Variants in ITGA8 observed in about 807,000 individuals in gnomAD.
The protein encoded by ITGA8 is integrin subunit alpha 8.
A neutral mutation model predicts 142.3 loss-of-function variants in ITGA8; 91 were observed. The observed-to-expected ratio is 0.64, with a 90% CI of 0.54 to 0.76. ITGA8 has a LOEUF of 0.76. ITGA8 is among the 30% of genes least tolerant of loss of function. ITGA8 has a pLI of 0.00. For synonymous variants in ITGA8, 505 were observed against 485.2 expected, an observed-to-expected ratio of 1.04 and a Z score of -0.54; for missense variants, 1,406 against 1,327.7, an observed-to-expected ratio of 1.06 and a Z score of -0.92.
In ITGA8 at chr10:15,629,843, T is replaced by C. The variant is rs529044339; in HGVS notation, c.1400-13284A>G. On this transcript the variant is annotated intron_variant, in intron 13 of 29. Coordinates refer to ENST00000378076, the MANE Select transcript of ITGA8 (RefSeq NM_003638.3). ...TTGGGAGGCTGAGGAAGAGAGAATC[T>C]CTTGAACCCGGGAAGCAGAGGTTGC... Among the ~76,000 whole-genome samples the C allele has an allele frequency of 2.6e-5, 4 of 152,014 alleles. No homozygotes were observed. The East Asian group carries it at 5.8e-4, about 22-fold the overall frequency.
At chr10:15,590,424 G>A (rs529753557) in intron 22 of ITGA8, among the ~76,000 whole-genome samples, 5 of 152,308 alleles carry the variant, frequency 3.3e-5, no homozygotes, top group Admixed American at 3.3e-4. Flanking sequence ...TCAACCAAGA[G>A]CGAGGAGGAA....
chr10:15,623,917 C>T (rs545825459), intron 13 of ITGA8, among the ~76,000 whole-genome samples: 7 of 152,228 alleles, frequency 4.6e-5, no homozygotes, highest in East Asian at 1.9e-4. Context: ...TTTTCCAGAA[C>T]GTCATATAAA....
intron 11 of ITGA8, among the ~76,000 whole-genome samples, chr10:15,648,497 T>C (rs1174655411): frequency 6.7e-6 from 1 of 150,056 alleles, no homozygotes; most frequent in African/African-American, 2.4e-5. Flanking sequence ...GAAACAATAC[T>C]ATATTAATAT....
intron 13 of ITGA8, among the ~76,000 whole-genome samples, chr10:15,620,828 A>T (rs985646435): frequency 6.6e-6 from 1 of 152,214 alleles, no homozygotes. Flanking sequence ...TATCTGTTAT[A>T]TATCTGTTCT....
intron 13 of ITGA8, among the ~76,000 whole-genome samples, chr10:15,627,280 G>A (rs1833601803): frequency 6.6e-6 from 1 of 151,978 alleles, no homozygotes; most frequent in African/African-American, 2.4e-5. Flanking sequence ...AAGAGTGTAA[G>A]TTTCTGCAAT....
chr10:15,717,037 G>T (rs1835467277), intron 2 of ITGA8, among the ~76,000 whole-genome samples: 1 of 152,156 alleles, frequency 6.6e-6, no homozygotes, highest in Non-Finnish European at 1.5e-5. Flanking sequence ...GTTGACATCT[G>T]GATTCTCTGG....
chr10:15,674,554 T>G (rs915785700), intron 6 of ITGA8, among the ~76,000 whole-genome samples: 20 of 152,220 alleles, frequency 1.3e-4, no homozygotes, highest in African/African-American at 4.6e-4. Flanking sequence ...TGCAGAGTAG[T>G]TTTTAAATAC....
At chr10:15,643,318 C>T (rs1483161061) in intron 13 of ITGA8, among the ~76,000 whole-genome samples, 3 of 152,152 alleles carry the variant, frequency 2.0e-5, no homozygotes, top group Non-Finnish European at 4.4e-5. Flanking sequence ...CTCACTCTGT[C>T]GCCCAGGTTA....
intron 21 of ITGA8, among the ~76,000 whole-genome samples, chr10:15,595,361 A>C (rs1404172982): frequency 6.6e-6 from 1 of 152,232 alleles, no homozygotes; most frequent in Non-Finnish European, 1.5e-5. Context: ...AGAAGAATAT[A>C]AATCAAAGTG....
chr10:15,617,249 CTT>C (rs1183656032), intron 13 of ITGA8, among the ~76,000 whole-genome samples: 1 of 152,092 alleles, frequency 6.6e-6, no homozygotes, highest in Non-Finnish European at 1.5e-5. Flanking sequence ...TCAATTGAGA[CTT>C]AAGAAGGCTA....
chr10:15,604,174 T>C, intron 20 of ITGA8, 34 bp downstream of exon 20: 1 of 1,589,140 alleles, frequency 6.3e-7, no homozygotes, highest in African/African-American at 1.4e-5. Flanking sequence ...AAAATATACC[T>C]AGCTCTTGAC....
chr10:15,674,115 A>G (rs1324256276), intron 6 of ITGA8, among the ~76,000 whole-genome samples: 1 of 152,198 alleles, frequency 6.6e-6, no homozygotes, highest in East Asian at 1.9e-4. Flanking sequence ...GTCAAACTAG[A>G]TCATAAATAT....
intron 28 of ITGA8, among the ~76,000 whole-genome samples, chr10:15,523,915 G>C (rs969943199): frequency 4.6e-5 from 7 of 152,158 alleles, no homozygotes; most frequent in South Asian, 2.1e-4. Context: ...CTGAGCAACA[G>C]AGCGAGCCTC....
At chr10:15,538,267 C>G (rs1012210638) in intron 27 of ITGA8, among the ~76,000 whole-genome samples, 9 of 152,158 alleles carry the variant, frequency 5.9e-5, no homozygotes, top group Admixed American at 2.0e-4. Flanking sequence ...AATCCTAACA[C>G]TTTGGGAGGC....
chr10:15,679,493 A>C (rs894660519), intron 4 of ITGA8, among the ~76,000 whole-genome samples: 1 of 152,162 alleles, frequency 6.6e-6, no homozygotes, highest in African/African-American at 2.4e-5. Flanking sequence ...GAGGCAGGAG[A>C]ATCTCTTGAA....
At chr10:15,566,146 G>A (rs903231834) in intron 25 of ITGA8, among the ~76,000 whole-genome samples, 4 of 152,076 alleles carry the variant, frequency 2.6e-5, no homozygotes, top group African/African-American at 7.2e-5. Context: ...CCTAAAGAAC[G>A]GACGGTTTCT....
At chr10:15,672,845 G>C in intron 6 of ITGA8, 96 bp from the exon 7 acceptor site, 1 of 1,335,868 alleles carries the variant, frequency 7.5e-7, no homozygotes, top group Non-Finnish European at 9.9e-7. Flanking sequence ...TGGTGGAATT[G>C]CTTGCTTTTT....
chr10:15,644,182 CTT>C lies in ITGA8; in HGVS notation c.1245_1246del (p.Gly417GlnfsTer6). 1.9e-6 allele frequency: 3 copies of C among 1,613,914 alleles called. No homozygotes were observed. The highest frequency in any genetic ancestry group is 2.5e-6 in the Non-Finnish European group (3 of 1,179,968). ...CCCATTATAAATGAGCACTTTGCCTCTTTGATCCTTGCCTGCAAAAGGCACTC... is the reference window on the plus strand; with the variant it reads ...CCCATTATAAATGAGCACTTTGCCTCTGATCCTTGCCTGCAAAAGGCACTC... On this transcript the variant is annotated frameshift_variant, in exon 13 of 30. Transcript: ENST00000378076. LOFTEE classifies it high-confidence loss of function.
intron 22 of ITGA8, among the ~76,000 whole-genome samples, chr10:15,589,983 G>A (rs45591534): frequency 3.9e-5 from 6 of 152,042 alleles, no homozygotes; most frequent in East Asian, 1.9e-4. Flanking sequence ...GGCTGGTCTC[G>A]AACTCCTGAC....
Sources: gnomAD v4.1 joint callset for allele counts (sites outside exome capture counted in the v4.1 genomes callset) on GRCh38, gnomAD v4.1.1 for gene constraint, MANE v1.5 for transcripts, NCBI Gene and HGNC (gene_info 2026-07-23, HGNC 2026-07-21) for gene names.